The following TGFBR2 variants were observed in gnomAD, a reference collection of about 807,000 sequenced individuals.
TGFBR2 encodes transforming growth factor beta receptor 2, also known as TGF-beta receptor type-2.
A neutral mutation model predicts 49.0 loss-of-function variants in TGFBR2; 18 were observed. That is an observed-to-expected ratio of 0.37 (90% CI 0.25 to 0.54). TGFBR2 has a LOEUF of 0.54. TGFBR2 is among the 20% of genes least tolerant of loss of function. The pLI is 0.85. For missense variants in TGFBR2, 525 were observed against 722.6 expected, an observed-to-expected ratio of 0.73 and a Z score of 3.13; for synonymous variants, 282 against 275.9, an observed-to-expected ratio of 1.02 and a Z score of -0.22.
At chr3:30,630,826 A>C (rs1575137407) in intron 1 of TGFBR2, among the ~76,000 whole-genome samples, 1 of 152,260 alleles carries the variant, frequency 6.6e-6, no homozygotes, top group South Asian at 2.1e-4. Context: ...TCTAGAGGAC[A>C]CAGCAACAAA....
intron 4 of TGFBR2, among the ~76,000 whole-genome samples, chr3:30,673,139 T>C (rs138412822): frequency 1.6e-4 from 24 of 152,288 alleles, no homozygotes; most frequent in African/African-American, 5.1e-4. Context: ...TTTGAAGCAC[T>C]CGGTTACTGC....
At chr3:30,661,894 T>G (rs887594471) in intron 3 of TGFBR2, among the ~76,000 whole-genome samples, 1 of 152,162 alleles carries the variant, frequency 6.6e-6, no homozygotes, top group African/African-American at 2.4e-5. Context: ...GTCCTGGCAT[T>G]TATTGGGCGC....
intron 5 of TGFBR2, among the ~76,000 whole-genome samples, chr3:30,685,363 T>C (rs1699602878): frequency 6.6e-6 from 1 of 152,190 alleles, no homozygotes; most frequent in African/African-American, 2.4e-5. Flanking sequence ...TTGTGCAGAT[T>C]CACTGAGACA....
intron 1 of TGFBR2, among the ~76,000 whole-genome samples, chr3:30,641,614 T>G (rs921943959): frequency 1.3e-5 from 2 of 152,180 alleles, no homozygotes; most frequent in African/African-American, 2.4e-5. Flanking sequence ...TGAAGTAATA[T>G]GCTGTATCTT....
chr3:30,657,333 C>T (rs1699023111), intron 3 of TGFBR2, among the ~76,000 whole-genome samples: 1 of 152,176 alleles, frequency 6.6e-6, no homozygotes, highest in South Asian at 2.1e-4. Flanking sequence ...GCAAGAGGCA[C>T]AACCTCAGGC....
chr3:30,679,142 TAAC>T (rs1308599534), intron 5 of TGFBR2, among the ~76,000 whole-genome samples: 2 of 152,218 alleles, frequency 1.3e-5, no homozygotes, highest in Non-Finnish European at 2.9e-5. Context: ...CTGGAACACT[TAAC>T]TAGTCTGTTT....
At chr3:30,630,592 T>G (rs1698416817) in intron 1 of TGFBR2, among the ~76,000 whole-genome samples, 1 of 152,248 alleles carries the variant, frequency 6.6e-6, no homozygotes, top group Non-Finnish European at 1.5e-5. Flanking sequence ...ACTGTCATTA[T>G]GTAAATACTG....
intron 1 of TGFBR2, among the ~76,000 whole-genome samples, chr3:30,634,763 G>T (rs1698499745): frequency 6.6e-6 from 1 of 152,060 alleles, no homozygotes; most frequent in South Asian, 2.1e-4. Flanking sequence ...GTCAACTGAG[G>T]GAGAATTGTT....
At chr3:30,629,096 C>T (rs1233178513) in intron 1 of TGFBR2, among the ~76,000 whole-genome samples, 1 of 152,184 alleles carries the variant, frequency 6.6e-6, no homozygotes, top group East Asian at 1.9e-4. Flanking sequence ...AGCCGAGGAA[C>T]GCAGGTCCTT....
intron 5 of TGFBR2, among the ~76,000 whole-genome samples, chr3:30,681,776 T>G (rs1269161068): frequency 6.6e-6 from 1 of 152,216 alleles, no homozygotes; most frequent in Admixed American, 6.5e-5. Flanking sequence ...TTTGATGAAC[T>G]AATTCTGCTG....
intron 3 of TGFBR2, chr3:30,661,648 AG>A (rs1559463268): frequency 2.0e-6 from 1 of 496,640 alleles, no homozygotes; most frequent in Admixed American, 2.1e-5. Flanking sequence ...AGGTGAGTTA[AG>A]GTCATTTTGA....
At chr3:30,606,452 T>G, upstream of TGFBR2, 1 of 235,922 alleles carries the variant, frequency 4.2e-6, no homozygotes. Flanking sequence ...GAGGGGCTGG[T>G]CTAGGAAACA....
Position 30,671,801 on chromosome 3 carries a change from G to A in TGFBR2, c.618G>A (p.Thr206=), listed in dbSNP as rs771928916. ...GTTCAACCTGGGAAACCGGCAAGAC[G>A]CGGAAGCTCATGGAGTTCAGCGAGC... ...KLSSTWETGK[T]RKLMEFSEHC... The change falls in exon 4 of 7, where the codon ACG becomes ACA. Residue 206 remains threonine, a synonymous_variant. Transcript: ENST00000295754. 14 of 1,614,064 alleles carry A rather than the reference G, an allele frequency of 8.7e-6. No individual in the cohort carries two copies. Among genetic ancestry groups the A allele is most frequent in the African/African-American group, 4.0e-5 (3 of 74,922 alleles).
intron 3 of TGFBR2, among the ~76,000 whole-genome samples, chr3:30,652,239 T>TG (rs1338627565): frequency 4.2e-5 from 6 of 143,754 alleles, no homozygotes; most frequent in South Asian, 2.2e-4. Flanking sequence ...GTTGTTTTTT[T>TG]TTTTTTTTTT....
intron 1 of TGFBR2, among the ~76,000 whole-genome samples, chr3:30,644,533 A>T (rs1698695260): frequency 6.6e-6 from 1 of 151,754 alleles, no homozygotes; most frequent in Non-Finnish European, 1.5e-5. Flanking sequence ...AACCACCCCA[A>T]CCCCTCACCA....
At position 30,692,800 on chromosome 3, in the gene TGFBR2, CACTTTATAAAT is replaced by C. The variant is rs1173524596; in HGVS notation, c.*1203_*1213del. ...AGCACAGCGTTTCAAAAAGTGAAGCCACTTTATAAATATTTGGAGATTTTGCAGGAAAATCT... is the reference window on the plus strand; with the variant it reads ...AGCACAGCGTTTCAAAAAGTGAAGCCATTTGGAGATTTTGCAGGAAAATCT... On this transcript the variant is annotated 3_prime_UTR_variant, in exon 7 of 7. Coordinates refer to ENST00000295754, the MANE Select transcript of TGFBR2 (RefSeq NM_003242.6). 4.3e-6 allele frequency: 1 copy of C among 233,002 alleles called. No homozygotes were observed. The highest frequency in any genetic ancestry group is 2.2e-5 in the African/African-American group (1 of 45,314). The allele number at this position is 233,002 out of a possible 1,614,324, so 14.4% of individuals were successfully genotyped here. A position where few individuals can be genotyped will look rare whatever the true frequency, so the allele number is the denominator to read the frequency against.
Position 30,668,170 on chromosome 3 carries a change from G to A in TGFBR2, c.455-3468G>A, listed in dbSNP as rs1280840591. On this transcript the variant is annotated intron_variant, in intron 3 of 6. Transcript: ENST00000295754. ...AAAAATTTGAGAAGTATCATTCCACGTAAGTAATCATTCAGCTTCTAAAAC... is the reference window on the plus strand; with the variant it reads ...AAAAATTTGAGAAGTATCATTCCACATAAGTAATCATTCAGCTTCTAAAAC... Among the ~76,000 whole-genome samples the A allele has an allele frequency of 3.3e-5, 5 of 152,172 alleles. No homozygotes were observed. The South Asian group carries it at 6.2e-4, about 19-fold the overall frequency.
At chr3:30,685,329 G>A (rs543037255) in intron 5 of TGFBR2, among the ~76,000 whole-genome samples, 2 of 152,236 alleles carry the variant, frequency 1.3e-5, no homozygotes, top group Admixed American at 6.5e-5. Flanking sequence ...GCTTCCCCAG[G>A]GTAGCTTTGC....
intron 3 of TGFBR2, among the ~76,000 whole-genome samples, chr3:30,666,426 C>T (rs552825632): frequency 6.6e-6 from 1 of 152,208 alleles, no homozygotes; most frequent in South Asian, 2.1e-4. Flanking sequence ...TTTACAGAGA[C>T]ACTACTAAAC....
Sources: gnomAD v4.1 joint callset for allele counts (sites outside exome capture counted in the v4.1 genomes callset) on GRCh38, gnomAD v4.1.1 for gene constraint, MANE v1.5 for transcripts, NCBI Gene and HGNC (gene_info 2026-07-23, HGNC 2026-07-21) for gene names.